The following LGMN variants were observed in gnomAD, a reference collection of about 807,000 sequenced individuals.
LGMN encodes legumain, also known as asparaginyl endopeptidase.
A neutral mutation model predicts 56.8 loss-of-function variants in LGMN; 36 were observed. The observed-to-expected ratio is 0.63, with a 90% CI of 0.49 to 0.84. The LOEUF is 0.84. Among genes scored for constraint, LGMN ranks in the 40% least tolerant of loss-of-function variants. LGMN has a pLI of 0.00. For missense variants in LGMN, 446 were observed against 556.1 expected, an observed-to-expected ratio of 0.80 and a Z score of 1.99; for synonymous variants, 199 against 210.1, an observed-to-expected ratio of 0.95 and a Z score of 0.46.
intron 1 of LGMN, among the ~76,000 whole-genome samples, chr14:92,747,819 C>G (rs1891885653): frequency 6.6e-6 from 1 of 152,154 alleles, no homozygotes; most frequent in African/African-American, 2.4e-5. Flanking sequence ...ACAAAGCACG[C>G]GACACAAAGT....
rs199761232 is a variant in LGMN, at chr14:92,716,672, C to T, written c.319-451G>A. 1.2e-4 allele frequency among the ~76,000 whole-genome samples: 19 copies of T among 152,176 alleles called. No homozygotes were observed. In the East Asian group the frequency reaches 3.5e-3, roughly 28 times the overall value. Reference sequence around the variant, plus strand: ...TATACAGAAACAATTTCATTAAATACGGTCATCTTTTTTACCTGTATGATA... The same window carrying T: ...TATACAGAAACAATTTCATTAAATATGGTCATCTTTTTTACCTGTATGATA... On this transcript the variant is annotated intron_variant, in intron 4 of 13. Coordinates refer to ENST00000334869, the MANE Select transcript of LGMN (RefSeq NM_005606.7).
rs1267835820 is a variant in LGMN, at chr14:92,720,900, TG to T, written c.139-2057del. ...TTGTTTATTTTTTTGTTTTTGTTTT[TG>T]TTTTTTTTTGAGACAGGGTCTTGCT... On this transcript the variant is annotated intron_variant, in intron 2 of 13. Coordinates refer to ENST00000334869, the MANE Select transcript of LGMN (RefSeq NM_005606.7). Among the ~76,000 whole-genome samples the T allele has an allele frequency of 2.0e-5, 3 of 150,950 alleles. No individual in the cohort carries two copies. In the East Asian group the frequency reaches 5.8e-4, roughly 29 times the overall value.
chr14:92,733,335 T>G (rs1383007637), intron 1 of LGMN, among the ~76,000 whole-genome samples: 1 of 152,052 alleles, frequency 6.6e-6, no homozygotes, highest in Non-Finnish European at 1.5e-5. Flanking sequence ...CTCCCAATCT[T>G]CACTACAAGT....
At chr14:92,743,845 A>G (rs993585329) in intron 1 of LGMN, among the ~76,000 whole-genome samples, 1 of 151,684 alleles carries the variant, frequency 6.6e-6, no homozygotes, top group African/African-American at 2.4e-5. Flanking sequence ...TCATCATCCA[A>G]CTAGATCTTA....
At chr14:92,731,364 T>C (rs1793606155) in intron 2 of LGMN, among the ~76,000 whole-genome samples, 1 of 152,262 alleles carries the variant, frequency 6.6e-6, no homozygotes, top group Non-Finnish European at 1.5e-5. Context: ...CAGTGGTTTC[T>C]AGTATGTTCA....
chr14:92,706,815 A>G (rs962895684), intron 11 of LGMN, among the ~76,000 whole-genome samples, 162 bp from the exon 12 acceptor site: 3 of 152,160 alleles, frequency 2.0e-5, no homozygotes, highest in Admixed American at 6.5e-5. Context: ...AAGGCGAGAG[A>G]TGTCTGTGCC....
At chr14:92,719,158 G>GCGA (rs1311329272) in intron 2 of LGMN, among the ~76,000 whole-genome samples, 7 of 96,250 alleles carry the variant, frequency 7.3e-5, no homozygotes, top group Non-Finnish European at 1.0e-4. Flanking sequence ...CACCGCCACT[G>GCGA]CCACCACCAC....
chr14:92,719,140 GCCACCACCA>G (rs1324637634), intron 2 of LGMN, among the ~76,000 whole-genome samples: 3 of 134,370 alleles, frequency 2.2e-5, no homozygotes, highest in Non-Finnish European at 3.2e-5. Context: ...CACCGCCACC[GCCACCACCA>G]CCGCCACTGC....
At chr14:92,715,684 C>T (rs1890038657) in intron 5 of LGMN, 1 of 153,062 alleles carries the variant, frequency 6.5e-6, no homozygotes, top group African/African-American at 2.4e-5. Context: ...GGTTCGTGTT[C>T]CCCAATATGA....
intron 1 of LGMN, among the ~76,000 whole-genome samples, chr14:92,746,210 T>C (rs893861328): frequency 2.2e-4 from 33 of 152,258 alleles, no homozygotes; most frequent in African/African-American, 7.0e-4. Context: ...GATCTAATTA[T>C]AGTTTCAATG....
intron 2 of LGMN, among the ~76,000 whole-genome samples, chr14:92,724,575 C>T (rs1843050161): frequency 1.3e-5 from 2 of 152,166 alleles, no homozygotes; most frequent in Non-Finnish European, 2.9e-5. Context: ...ACTGTATTTT[C>T]CCCGCATAAG....
intron 11 of LGMN, among the ~76,000 whole-genome samples, chr14:92,707,067 A>G (rs905961687): frequency 2.0e-5 from 3 of 152,056 alleles, no homozygotes; most frequent in Non-Finnish European, 4.4e-5. Flanking sequence ...AATGAAAAAC[A>G]GCATCATAAA....
chr14:92,724,634 G>A (rs1178388415), intron 2 of LGMN, among the ~76,000 whole-genome samples: 2 of 152,234 alleles, frequency 1.3e-5, no homozygotes, highest in African/African-American at 2.4e-5. Flanking sequence ...TATTGAGCAA[G>A]ACTTCTAAGA....
intron 11 of LGMN, 66 bp downstream of exon 11, chr14:92,709,606 C>G (rs1419543616): frequency 2.3e-6 from 3 of 1,328,350 alleles, no homozygotes; most frequent in Non-Finnish European, 3.2e-6. Context: ...CAGGGCCGTG[C>G]TCATGCATGC....
At chr14:92,713,205 T>A (rs1889884742) in intron 7 of LGMN, among the ~76,000 whole-genome samples, 1 of 152,128 alleles carries the variant, frequency 6.6e-6, no homozygotes, top group South Asian at 2.1e-4. Flanking sequence ...TGCGTTACTG[T>A]CACGTATCAC....
chr14:92,710,785 C>T lies in LGMN; in HGVS notation c.819+874G>A, dbSNP rs141628473. 2.0e-4 allele frequency among the ~76,000 whole-genome samples: 30 copies of T among 152,332 alleles called. 1 individual carries two copies. The highest frequency in any genetic ancestry group is 2.1e-4 in the South Asian group (1 of 4,828). Reference sequence around the variant, plus strand: ...ATGCCACCACTGACCCTGCCTTCTCCGTGTCACCTTTCCCTGGCCGTCCCT... The same window carrying T: ...ATGCCACCACTGACCCTGCCTTCTCTGTGTCACCTTTCCCTGGCCGTCCCT... On this transcript the variant is annotated intron_variant, in intron 10 of 13. Transcript: ENST00000334869.
chr14:92,726,596 C>A (rs1890753897), intron 2 of LGMN, among the ~76,000 whole-genome samples: 2 of 152,170 alleles, frequency 1.3e-5, no homozygotes, highest in South Asian at 4.1e-4. Context: ...CCTTTATCTA[C>A]TTCTGAGTGG....
At chr14:92,747,738 G>C (rs1891883445) in intron 1 of LGMN, among the ~76,000 whole-genome samples, 1 of 152,146 alleles carries the variant, frequency 6.6e-6, no homozygotes, top group Non-Finnish European at 1.5e-5. Context: ...AGTAAAGAAA[G>C]CTGGGCTACT....
At chr14:92,731,399 A>G (rs1057146227) in intron 2 of LGMN, among the ~76,000 whole-genome samples, 1 of 152,230 alleles carries the variant, frequency 6.6e-6, no homozygotes, top group Non-Finnish European at 1.5e-5. Flanking sequence ...CATCACCACT[A>G]CTTCTAGAGC....
Sources: gnomAD v4.1 joint callset for allele counts (sites outside exome capture counted in the v4.1 genomes callset) on GRCh38, gnomAD v4.1.1 for gene constraint, MANE v1.5 for transcripts, NCBI Gene and HGNC (gene_info 2026-07-23, HGNC 2026-07-21) for gene names.